Variants in NRXN3 observed in about 807,000 individuals in gnomAD.
NRXN3 encodes the protein neurexin III.
Under a neutral mutation model 137.6 loss-of-function variants are expected in NRXN3, and 32 were observed. The observed-to-expected ratio is 0.23, with a 90% CI of 0.18 to 0.31. The LOEUF is 0.31. Ranked by LOEUF, NRXN3 falls within the 10% of genes least tolerant of loss-of-function variation. NRXN3 has a pLI of 1.00. For missense variants in NRXN3, 1,574 were observed against 2,062.5 expected (o/e 0.76, Z 4.59); for synonymous variants, 798 against 784.5 (o/e 1.02, Z -0.29).
chr14:79,724,364 A>G (rs7158489), intron 19 of NRXN3, among the ~76,000 whole-genome samples: 69,377 of 151,936 alleles, frequency 0.46, 16,416 homozygotes, highest in Middle Eastern at 0.6. Flanking sequence ...CTTTGTAACT[A>G]GTCCCTTTAT....
chr14:78,637,756 T>A (rs2097579611), intron 4 of NRXN3, among the ~76,000 whole-genome samples: 1 of 152,228 alleles, frequency 6.6e-6, no homozygotes, highest in Non-Finnish European at 1.5e-5. Flanking sequence ...ATGAATCCGT[T>A]GTCAGGGCCT....
At chr14:78,943,511 G>T (rs1168603000) in intron 10 of NRXN3, among the ~76,000 whole-genome samples, 2 of 149,414 alleles carry the variant, frequency 1.3e-5, no homozygotes, top group African/African-American at 4.9e-5. Flanking sequence ...AAGAGGCAGG[G>T]TTATGAGGAG....
chr14:78,371,033 A>T (rs1410167606), intron 4 of NRXN3, among the ~76,000 whole-genome samples: 4 of 152,180 alleles, frequency 2.6e-5, no homozygotes, highest in African/African-American at 7.2e-5. Flanking sequence ...AATACTTGTG[A>T]TATGGGTAGG....
chr14:79,462,997 A>C (rs2096373088), intron 15 of NRXN3, among the ~76,000 whole-genome samples: 1 of 151,628 alleles, frequency 6.6e-6, no homozygotes, highest in Admixed American at 6.6e-5. Context: ...TCCCAGAAAA[A>C]GTAATATGCT....
chr14:79,361,068 A>AT (rs2093664450), intron 15 of NRXN3, among the ~76,000 whole-genome samples: 1 of 152,136 alleles, frequency 6.6e-6, no homozygotes, highest in East Asian at 1.9e-4. Flanking sequence ...AGGCAGGGTG[A>AT]TTTTTCTCTG....
chr14:78,968,229 G>C lies in NRXN3; in HGVS notation c.3025G>C (p.Val1009Leu). ...CATGTACAGCAACCTCCCAAAGCTC[G>C]TGGCCTCTCGAGATGGCTTTCAGGG... ...QGMYSNLPKLVASRDGFQGCL... is the reference protein window; with the variant it reads ...QGMYSNLPKLLASRDGFQGCL... Residue 1009 changes from valine (V) to leucine (L), a missense_variant, in exon 14 of 21, where the codon GTG becomes CTG. Physicochemically the swap from Val to Leu is conservative, Grantham distance 32. Transcript: ENST00000335750. 1 of 1,613,934 alleles carries C rather than the reference G, an allele frequency of 6.2e-7. No individual in the cohort carries two copies. The highest frequency in any genetic ancestry group is 1.1e-5 in the South Asian group (1 of 91,066).
chr14:79,156,489 A>G (rs1445566079), intron 15 of NRXN3, among the ~76,000 whole-genome samples: 1 of 151,896 alleles, frequency 6.6e-6, no homozygotes, highest in Non-Finnish European at 1.5e-5. Flanking sequence ...GCTGTTCAGG[A>G]AGCAAGGTTA....
chr14:78,553,881 G>T (rs2096715136), intron 4 of NRXN3, among the ~76,000 whole-genome samples: 1 of 152,172 alleles, frequency 6.6e-6, no homozygotes, highest in Non-Finnish European at 1.5e-5. Flanking sequence ...AGGCAATAAG[G>T]TGGAGGGGCA....
chr14:78,298,057 T>C (rs374861144), intron 4 of NRXN3, among the ~76,000 whole-genome samples, 197 bp downstream of exon 4: 22 of 152,328 alleles, frequency 1.4e-4, no homozygotes, highest in African/African-American at 5.3e-4. Flanking sequence ...CCCACCCCTA[T>C]TGTCCCCTTG....
At chr14:79,467,035 C>T (rs867640517) in intron 15 of NRXN3, among the ~76,000 whole-genome samples, 186 bp from the exon 16 acceptor site, 11 of 152,214 alleles carry the variant, frequency 7.2e-5, no homozygotes, top group African/African-American at 2.2e-4. Flanking sequence ...ATTCTGCCTG[C>T]ATCTTTAATT....
At chr14:79,805,783 A>G (rs887379739) in intron 20 of NRXN3, among the ~76,000 whole-genome samples, 2 of 152,204 alleles carry the variant, frequency 1.3e-5, no homozygotes, top group African/African-American at 4.8e-5. Context: ...GTGCAACAAT[A>G]TAGTAAACAC....
intron 4 of NRXN3, among the ~76,000 whole-genome samples, chr14:78,431,106 G>A (rs902166977): frequency 1.3e-5 from 2 of 152,200 alleles, no homozygotes; most frequent in African/African-American, 4.8e-5. Context: ...CTGATTTGAT[G>A]TATTTAGAAA....
intron 15 of NRXN3, among the ~76,000 whole-genome samples, chr14:79,390,043 A>C (rs4903851): frequency 0.64 from 97,419 of 152,098 alleles, 32,529 homozygotes; most frequent in Middle Eastern, 0.85. Context: ...TAGGTCCAGG[A>C]GCGGTGGCTC....
intron 19 of NRXN3, among the ~76,000 whole-genome samples, chr14:79,796,716 T>C (rs1191037546): frequency 2.6e-5 from 4 of 152,174 alleles, no homozygotes; most frequent in Admixed American, 2.0e-4. Flanking sequence ...AAAGTTATTA[T>C]AAGTCACGTC....
At chr14:78,488,526 G>A (rs2095605806) in intron 4 of NRXN3, among the ~76,000 whole-genome samples, 1 of 151,986 alleles carries the variant, frequency 6.6e-6, no homozygotes, top group African/African-American at 2.4e-5. Context: ...AAAGAATCAT[G>A]GCTCTGTAAA....
intron 2 of NRXN3, among the ~76,000 whole-genome samples, chr14:78,245,531 A>T (rs935958896): frequency 2.6e-5 from 4 of 152,200 alleles, no homozygotes; most frequent in African/African-American, 9.7e-5. Flanking sequence ...ATGTGTAATT[A>T]AAGACTGCAG....
In NRXN3 at chr14:79,335,697, T is replaced by A. The variant is rs533004944; in HGVS notation, c.3263-131524T>A. 2.0e-5 allele frequency among the ~76,000 whole-genome samples: 3 copies of A among 152,274 alleles called. No homozygotes were observed. The South Asian group carries it at 6.2e-4, about 32-fold the overall frequency. On this transcript the variant is annotated intron_variant, in intron 15 of 20. Coordinates refer to ENST00000335750, the MANE Select transcript of NRXN3 (RefSeq NM_001330195.2). Reference sequence around the variant, plus strand: ...CATTGTTTGTATGTATGTACATATATTGCACATATATACATATCACTTTTT... The same window carrying A: ...CATTGTTTGTATGTATGTACATATAATGCACATATATACATATCACTTTTT...
At chr14:79,555,934 G>A (rs2097425109) in intron 16 of NRXN3, among the ~76,000 whole-genome samples, 1 of 152,106 alleles carries the variant, frequency 6.6e-6, no homozygotes, top group Non-Finnish European at 1.5e-5. Flanking sequence ...TCTGTTTTCT[G>A]CTGCTGTCAC....
chr14:79,792,767 T>TAA (rs2099149250), intron 19 of NRXN3, among the ~76,000 whole-genome samples: 1 of 152,200 alleles, frequency 6.6e-6, no homozygotes, highest in Non-Finnish European at 1.5e-5. Flanking sequence ...TTCAAAATCC[T>TAA]TTGAGGGAAG....
Sources: gnomAD v4.1 joint callset for allele counts (sites outside exome capture counted in the v4.1 genomes callset) on GRCh38, gnomAD v4.1.1 for gene constraint, MANE v1.5 for transcripts, NCBI Gene and HGNC (gene_info 2026-07-23, HGNC 2026-07-21) for gene names.